Variants in PCDH15 observed in about 807,000 individuals in gnomAD.
PCDH15 encodes the protein protocadherin related 15.
PCDH15 carries 129 observed loss-of-function variants against 178.5 expected under a neutral mutation model. The observed-to-expected ratio is 0.72, with a 90% CI of 0.63 to 0.84. The LOEUF is 0.84. PCDH15 is among the 40% of genes least tolerant of loss of function. The pLI, the probability that PCDH15 is intolerant of heterozygous loss-of-function variation, is 0.00. For missense variants in PCDH15, 2,230 were observed against 2,099.9 expected (o/e 1.06, Z -1.21); for synonymous variants, 800 against 732.0 (o/e 1.09, Z -1.50).
At chr10:53,817,524 T>TTC (rs2076106930) in intron 34 of PCDH15, among the ~76,000 whole-genome samples, 1 of 149,758 alleles carries the variant, frequency 6.7e-6, no homozygotes, top group African/African-American at 2.5e-5. Context: ...TTCTTTTTTT[T>TTC]TTCTTTTTTT....
chr10:54,700,097 T>TACTAA (rs1441097825), intron 1 of PCDH15, among the ~76,000 whole-genome samples: 2 of 151,698 alleles, frequency 1.3e-5, no homozygotes, highest in Non-Finnish European at 2.9e-5. Flanking sequence ...AGGCCTGGAG[T>TACTAA]ACTAAACTAA....
intron 1 of PCDH15, among the ~76,000 whole-genome samples, chr10:54,672,397 T>C (rs1479592932): frequency 2.0e-5 from 3 of 152,170 alleles, no homozygotes; most frequent in Admixed American, 2.0e-4. Context: ...GACTTGCTTC[T>C]AATGTGTAGA....
At chr10:54,039,954 C>T (rs2093503803) in intron 18 of PCDH15, among the ~76,000 whole-genome samples, 1 of 151,884 alleles carries the variant, frequency 6.6e-6, no homozygotes, top group Admixed American at 6.6e-5. Flanking sequence ...CTCTTCACAT[C>T]CCAAGATTCT....
At chr10:54,656,686 G>C (rs552330178) in intron 2 of PCDH15, among the ~76,000 whole-genome samples, 1 of 152,240 alleles carries the variant, frequency 6.6e-6, no homozygotes, top group African/African-American at 2.4e-5. Flanking sequence ...GAGGATCCCT[G>C]AGGAACTGTG....
At position 54,638,204 on chromosome 10, in the gene PCDH15, A is replaced by G. The variant is rs376042196; in HGVS notation, c.91+25968T>C. On this transcript the variant is annotated intron_variant, in intron 2 of 37. Coordinates refer to ENST00000644397, the MANE Select transcript of PCDH15 (RefSeq NM_001384140.1). ...TCTTTATTTTCAGCTTTTTGTAACTATGTATTTTAGACATATACATTATGA... is the reference window on the plus strand; with the variant it reads ...TCTTTATTTTCAGCTTTTTGTAACTGTGTATTTTAGACATATACATTATGA... 2.0e-3 allele frequency among the ~76,000 whole-genome samples: 304 copies of G among 152,154 alleles called. 1 individual carries two copies. Among genetic ancestry groups the G allele is most frequent in the African/African-American group, 6.5e-3 (271 of 41,546 alleles).
At chr10:55,371,055 T>G (rs1207983711) in intron 2 of PCDH15, among the ~76,000 whole-genome samples, 1 of 152,142 alleles carries the variant, frequency 6.6e-6, no homozygotes, top group Non-Finnish European at 1.5e-5. Flanking sequence ...ATTGTTTTGT[T>G]GCATCATAGT....
intron 26 of PCDH15, among the ~76,000 whole-genome samples, chr10:53,898,937 C>A (rs1273742478): frequency 6.6e-6 from 1 of 152,050 alleles, no homozygotes; most frequent in Non-Finnish European, 1.5e-5. Flanking sequence ...TATACTCAGA[C>A]AATGTGAGTA....
At chr10:55,081,891 A>G (rs1842048654) in intron 2 of PCDH15, among the ~76,000 whole-genome samples, 1 of 152,220 alleles carries the variant, frequency 6.6e-6, no homozygotes, top group Admixed American at 6.5e-5. Flanking sequence ...GCAATTATAT[A>G]TGAACCAAGT....
At chr10:54,698,517 G>A (rs2095265492) in intron 1 of PCDH15, among the ~76,000 whole-genome samples, 1 of 152,156 alleles carries the variant, frequency 6.6e-6, no homozygotes, top group Admixed American at 6.6e-5. Flanking sequence ...GAAATGGAAT[G>A]AGATGAGATA....
chr10:54,136,574 A>G (rs2042922703), intron 14 of PCDH15, among the ~76,000 whole-genome samples: 1 of 152,170 alleles, frequency 6.6e-6, no homozygotes, highest in Non-Finnish European at 1.5e-5. Flanking sequence ...TAGTTAAACT[A>G]CACTTATTAT....
intron 5 of PCDH15, among the ~76,000 whole-genome samples, chr10:54,353,881 A>G (rs1208971869): frequency 6.6e-6 from 1 of 152,232 alleles, no homozygotes; most frequent in Non-Finnish European, 1.5e-5. Flanking sequence ...TAAAAAAAGA[A>G]TTATTACTGT....
chr10:55,375,884 C>T (rs943562016), intron 2 of PCDH15, among the ~76,000 whole-genome samples: 2 of 151,878 alleles, frequency 1.3e-5, no homozygotes, highest in Admixed American at 6.6e-5. Context: ...ACTGTTTTTA[C>T]CACCAATCTA....
chr10:54,627,090 A>G (rs1381888368), intron 2 of PCDH15, among the ~76,000 whole-genome samples: 1 of 152,048 alleles, frequency 6.6e-6, no homozygotes, highest in Non-Finnish European at 1.5e-5. Context: ...TTTCCCAACG[A>G]CTGTATCTGC....
intron 2 of PCDH15, among the ~76,000 whole-genome samples, chr10:55,149,778 A>G (rs74136366): frequency 2.4e-4 from 36 of 152,104 alleles, no homozygotes; most frequent in African/African-American, 7.9e-4. Context: ...TTTAGGTTCT[A>G]TTCTAGTTTC....
In PCDH15 at chr10:54,602,941, G is replaced by A. The variant is rs185802127; in HGVS notation, c.91+61231C>T. Among the ~76,000 whole-genome samples, 3 of 148,240 alleles carry A rather than the reference G, an allele frequency of 2.0e-5. No homozygotes were observed. In the East Asian group the frequency reaches 5.8e-4, roughly 29 times the overall value. On this transcript the variant is annotated intron_variant, in intron 2 of 37. Coordinates refer to ENST00000644397, the MANE Select transcript of PCDH15 (RefSeq NM_001384140.1). ...CCTGTAGTTTACTTTTCTTGTGGAT[G>A]TCTTTGGTTATCAGGTCGATGCTGG...
intron 2 of PCDH15, among the ~76,000 whole-genome samples, chr10:54,959,602 CATG>C (rs1242568465): frequency 6.6e-6 from 1 of 152,004 alleles, no homozygotes; most frequent in Non-Finnish European, 1.5e-5. Flanking sequence ...AGTGAGACAA[CATG>C]ATATTATCAT....
At chr10:54,603,146 C>T (rs1252568685) in intron 2 of PCDH15, among the ~76,000 whole-genome samples, 1 of 151,944 alleles carries the variant, frequency 6.6e-6, no homozygotes, top group Non-Finnish European at 1.5e-5. Flanking sequence ...TATTACTTCG[C>T]ATTTATCTAA....
chr10:54,023,377 A>G (rs575106701), intron 18 of PCDH15, among the ~76,000 whole-genome samples, 180 bp from the exon 19 acceptor site: 35 of 152,024 alleles, frequency 2.3e-4, no homozygotes, highest in Non-Finnish European at 4.6e-4. Flanking sequence ...TTATACTTTA[A>G]TATTCTTCAT....
chr10:54,813,799 T>C (rs1952904396), intron 3 of PCDH15, among the ~76,000 whole-genome samples: 1 of 152,204 alleles, frequency 6.6e-6, no homozygotes, highest in Non-Finnish European at 1.5e-5. Flanking sequence ...TCATTTAGAA[T>C]CCATTACTGT....
Sources: allele counts gnomAD v4.1 joint callset (sites outside exome capture counted in the v4.1 genomes callset), GRCh38; gene constraint gnomAD v4.1.1; transcripts MANE v1.5; gene names NCBI Gene and HGNC (gene_info 2026-07-23, HGNC 2026-07-21).